Variants in TAFA2 observed in about 807,000 individuals in gnomAD.
TAFA2 encodes the protein chemokine-like protein TAFA-2.
TAFA2 carries 7 observed loss-of-function variants against 18.8 expected under a neutral mutation model. That is an observed-to-expected ratio of 0.37 (90% CI 0.21 to 0.70). The LOEUF is 0.70. Among genes scored for constraint, TAFA2 ranks in the 30% least tolerant of loss-of-function variants. TAFA2 has a pLI of 0.53. For synonymous variants in TAFA2, 60 were observed against 54.2 expected, an observed-to-expected ratio of 1.11 and a Z score of -0.47; for missense variants, 122 against 158.1, an observed-to-expected ratio of 0.77 and a Z score of 1.23.
chr12:62,086,118 G>T (rs1868438562), intron 1 of TAFA2, among the ~76,000 whole-genome samples: 1 of 151,706 alleles, frequency 6.6e-6, no homozygotes, highest in African/African-American at 2.4e-5. Flanking sequence ...AAATTACCCA[G>T]TCTCAGGTGG....
At chr12:61,927,162 AG>A (rs1877338559) in intron 1 of TAFA2, among the ~76,000 whole-genome samples, 1 of 151,732 alleles carries the variant, frequency 6.6e-6, no homozygotes, top group Admixed American at 6.6e-5. Context: ...AATTCTGGGC[AG>A]GGCAATCAGG....
chr12:61,999,367 C>A (rs2136698750), intron 1 of TAFA2, among the ~76,000 whole-genome samples: 1 of 152,220 alleles, frequency 6.6e-6, no homozygotes, highest in South Asian at 2.1e-4. Context: ...GAAGATTTGT[C>A]AGGTATTAAT....
chr12:61,851,948 C>T (rs1873685627), intron 2 of TAFA2, among the ~76,000 whole-genome samples: 1 of 151,796 alleles, frequency 6.6e-6, no homozygotes, highest in South Asian at 2.1e-4. Flanking sequence ...TGGCTCACGC[C>T]TGTAATCCCA....
intron 1 of TAFA2, among the ~76,000 whole-genome samples, chr12:61,955,645 AT>A: frequency 2.4e-5 from 1 of 40,874 alleles, no homozygotes; most frequent in Non-Finnish European, 6.4e-5. Context: ...ATATATATAT[AT>A]ATATATATAT....
At chr12:61,745,665 GAT>G (rs1254630782) in intron 4 of TAFA2, among the ~76,000 whole-genome samples, 1 of 151,986 alleles carries the variant, frequency 6.6e-6, no homozygotes, top group Admixed American at 6.6e-5. Context: ...GAATTCCAAA[GAT>G]ATACTCCCGA....
intron 1 of TAFA2, among the ~76,000 whole-genome samples, chr12:62,029,811 ATCTCTC>A (rs71450570): frequency 1.4e-3 from 204 of 145,916 alleles, no homozygotes; most frequent in South Asian, 3.5e-3. Context: ...ATGTCTTCCT[ATCTCTC>A]TCTCTCTCTC....
At chr12:62,217,959 T>G (rs1206231235) in intron 1 of TAFA2, among the ~76,000 whole-genome samples, 2 of 122,596 alleles carry the variant, frequency 1.6e-5, no homozygotes, top group East Asian at 4.4e-4. Flanking sequence ...TATCTATTTT[T>G]ATGTATGTAT....
At chr12:61,907,435 G>A (rs1261997435) in intron 1 of TAFA2, among the ~76,000 whole-genome samples, 1 of 152,196 alleles carries the variant, frequency 6.6e-6, no homozygotes, top group Admixed American at 6.5e-5. Context: ...GTGGTGTTGG[G>A]CCTGTTGGTG....
At chr12:62,095,506 T>C (rs565829118) in intron 1 of TAFA2, among the ~76,000 whole-genome samples, 30 of 152,238 alleles carry the variant, frequency 2.0e-4, no homozygotes, top group African/African-American at 7.2e-4. Context: ...AGAAATTGCA[T>C]AGCAAGAAAT....
chr12:62,020,811 T>G (rs1026015829), intron 1 of TAFA2, among the ~76,000 whole-genome samples: 1 of 152,192 alleles, frequency 6.6e-6, no homozygotes, highest in Non-Finnish European at 1.5e-5. Flanking sequence ...TGGCCAAAAT[T>G]TTTCTGTAGC....
chr12:61,821,570 T>G (rs1192794924), intron 2 of TAFA2, among the ~76,000 whole-genome samples: 4 of 151,996 alleles, frequency 2.6e-5, no homozygotes, highest in Non-Finnish European at 5.9e-5. Flanking sequence ...ACAAGAGCTA[T>G]TTCAGAGCTG....
chr12:61,904,179 G>A (rs1333668976), intron 1 of TAFA2, among the ~76,000 whole-genome samples: 1 of 151,970 alleles, frequency 6.6e-6, no homozygotes, highest in African/African-American at 2.4e-5. Flanking sequence ...GCTAGTGGTG[G>A]TGTTCTAAAA....
chr12:61,999,812 A>G (rs1233422073), intron 1 of TAFA2, among the ~76,000 whole-genome samples: 1 of 152,200 alleles, frequency 6.6e-6, no homozygotes, highest in Non-Finnish European at 1.5e-5. Context: ...AACTCCTCTT[A>G]CCAGAAAAGT....
intron 1 of TAFA2, among the ~76,000 whole-genome samples, chr12:62,226,528 T>A (rs1304887363): frequency 1.3e-5 from 2 of 152,142 alleles, no homozygotes; most frequent in African/African-American, 4.8e-5. Flanking sequence ...CTCATTCCAC[T>A]CTCTGGGCCT....
intron 1 of TAFA2, among the ~76,000 whole-genome samples, chr12:62,237,755 T>C (rs1016600741): frequency 2.0e-5 from 3 of 150,572 alleles, no homozygotes; most frequent in African/African-American, 7.2e-5. Flanking sequence ...TGGCATTAGA[T>C]GGTGCATTAA....
intron 1 of TAFA2, among the ~76,000 whole-genome samples, chr12:62,189,108 C>T (rs140289219): frequency 5.9e-5 from 9 of 152,106 alleles, no homozygotes; most frequent in Admixed American, 2.0e-4. Context: ...AGACACATAT[C>T]GTAGCACTCT....
intron 1 of TAFA2, among the ~76,000 whole-genome samples, chr12:61,955,616 AAAAAAAAAAAAAAAAAATAT>A (rs1475854476): frequency 4.5e-4 from 13 of 28,592 alleles, no homozygotes; most frequent in African/African-American, 1.2e-3. Flanking sequence ...AAAAAAAAAA[AAAAAAAAAAAAAAAAAATAT>A]ATATATATAT....
chr12:61,906,827 G>A (rs1876377310), intron 1 of TAFA2, among the ~76,000 whole-genome samples: 1 of 152,204 alleles, frequency 6.6e-6, no homozygotes. Context: ...TAAAGGTAAT[G>A]CTTGCTACGC....
chr12:61,737,644 C>T (rs1183710845), intron 4 of TAFA2, among the ~76,000 whole-genome samples: 1 of 151,630 alleles, frequency 6.6e-6, no homozygotes, highest in African/African-American at 2.4e-5. Context: ...TATCTTATTA[C>T]ACTGCTATGA....
Sources: gnomAD v4.1 joint callset for allele counts (sites outside exome capture counted in the v4.1 genomes callset) on GRCh38, gnomAD v4.1.1 for gene constraint, MANE v1.5 for transcripts, NCBI Gene and HGNC (gene_info 2026-07-23, HGNC 2026-07-21) for gene names.